IFT46: variants seen among roughly 807,000 people sequenced by gnomAD.
IFT46 encodes the protein intraflagellar transport protein 46 homolog.
IFT46 carries 19 observed loss-of-function variants against 39.6 expected under a neutral mutation model. That is an observed-to-expected ratio of 0.48 (90% CI 0.33 to 0.70). The LOEUF (loss-of-function observed/expected upper bound fraction) is 0.70. Among genes scored for constraint, IFT46 ranks in the 30% least tolerant of loss-of-function variants. The pLI, the probability that IFT46 is intolerant of heterozygous loss-of-function variation, is 0.01. For synonymous variants in IFT46, 117 were observed against 134.8 expected (o/e 0.87, Z 0.91); for missense variants, 334 against 364.8 (o/e 0.92, Z 0.69).
At chr11:118,569,318 C>T (rs1555072048), upstream of IFT46, among the ~76,000 whole-genome samples, 1 of 150,938 alleles carries the variant, frequency 6.6e-6, no homozygotes. Flanking sequence ...ATTGACTGGG[C>T]TCAGTGGCTC....
At chr11:118,557,275 G>A (rs1937873939) in intron 3 of IFT46, 3 of 432,492 alleles carry the variant, frequency 6.9e-6, no homozygotes, top group Non-Finnish European at 8.0e-6. Context: ...TTGAGGCTGG[G>A]GTATAAATTC....
intron 3 of IFT46, among the ~76,000 whole-genome samples, chr11:118,558,925 C>CA (rs1325968362): frequency 2.3e-4 from 33 of 145,158 alleles, no homozygotes; most frequent in African/African-American, 8.6e-4. Flanking sequence ...AAAAAAAAAA[C>CA]AAACAAAAAA....
chr11:118,575,864 A>C (rs1938484218), upstream of IFT46, among the ~76,000 whole-genome samples: 1 of 152,124 alleles, frequency 6.6e-6, no homozygotes, highest in Admixed American at 6.5e-5. Flanking sequence ...ATGGTTAGAC[A>C]ATTTGCCTTC....
In IFT46 at chr11:118,544,885, T is replaced by C. The variant is rs1397199530; in HGVS notation, c.*31A>G. ...TCTCAGCTGGGGCAGAGGGGCCAGC[T>C]CAGCCTTGAAACAGCAGCTTGGGAA... On this transcript the variant is annotated 3_prime_UTR_variant, in exon 12 of 12. Coordinates refer to ENST00000264021, the MANE Select transcript of IFT46 (RefSeq NM_001168618.2). 8.6e-6 allele frequency: 13 copies of C among 1,515,246 alleles called. No individual in the cohort carries two copies. Among genetic ancestry groups the C allele is most frequent in the Non-Finnish European group, 1.2e-5 (13 of 1,091,822 alleles). The allele number at this position is 1,515,246 out of a possible 1,614,324, so 93.9% of individuals were successfully genotyped here. A position where few individuals can be genotyped will look rare whatever the true frequency, so the allele number is the denominator to read the frequency against.
intron 2 of IFT46, among the ~76,000 whole-genome samples, chr11:118,562,851 G>A (rs1225329115): frequency 1.3e-5 from 2 of 152,178 alleles, no homozygotes; most frequent in Non-Finnish European, 2.9e-5. Context: ...GGATCACAAG[G>A]TCAGGAGATC....
At chr11:118,570,507 A>G (rs576798719), upstream of IFT46, among the ~76,000 whole-genome samples, 6 of 152,386 alleles carry the variant, frequency 3.9e-5, no homozygotes, top group South Asian at 1.2e-3. Flanking sequence ...ACACAAATGA[A>G]GCACTCAATT....
At chr11:118,572,613 G>T in exon 1 of IFT46, 1 of 1,576,096 alleles carries the variant, frequency 6.3e-7, no homozygotes, top group East Asian at 2.4e-5. Context: ...CCTTGTCGGC[G>T]GGCCTGGGGC....
intron 2 of IFT46, chr11:118,561,355 C>A (rs1331763242): frequency 1.6e-5 from 14 of 890,846 alleles, no homozygotes; most frequent in Middle Eastern, 3.3e-4. Flanking sequence ...AGAACCAGTT[C>A]TCTCAATGCA....
intron 3 of IFT46, 75 bp downstream of exon 3, chr11:118,559,710 G>A (rs370825705): frequency 9.8e-5 from 111 of 1,135,582 alleles, no homozygotes; most frequent in Admixed American, 5.6e-4. Flanking sequence ...AATGTTTACC[G>A]TTGAACTGGT....
chr11:118,545,277 AT>A, intron 11 of IFT46, 131 bp downstream of exon 11: 1 of 784,924 alleles, frequency 1.3e-6, no homozygotes. Context: ...TCTCCTAATT[AT>A]GGGAAAGGGC....
chr11:118,561,680 C>T (rs518947), intron 2 of IFT46: 1 of 298,060 alleles, frequency 3.4e-6, no homozygotes, highest in South Asian at 5.4e-5. Context: ...ATTCCCACCT[C>T]TAAATGGGGT....
At chr11:118,549,570 G>T (rs1555067953) in intron 9 of IFT46, among the ~76,000 whole-genome samples, 1 of 149,440 alleles carries the variant, frequency 6.7e-6, no homozygotes, top group Non-Finnish European at 1.5e-5. Flanking sequence ...CTGTCACCAG[G>T]CTGGAGTGCA....
chr11:118,554,700 G>T, intron 6 of IFT46, 113 bp from the exon 7 acceptor site: 2 of 1,144,052 alleles, frequency 1.7e-6, no homozygotes, highest in Non-Finnish European at 2.5e-6. Flanking sequence ...TTATCATGCT[G>T]TACGCAATAC....
Position 118,561,131 on chromosome 11 carries a change from G to A in IFT46, c.-35-1267C>T, listed in dbSNP as rs538917493. ...TGCCTTTACCTGCTATTTGGATACA[G>A]GTCTTGCCAGAACTACCACTGGCAA... is the stretch of plus-strand genomic sequence containing the variant. On this transcript the variant is annotated intron_variant, in intron 2 of 11. Coordinates refer to ENST00000264021, the MANE Select transcript of IFT46 (RefSeq NM_001168618.2). 5.4e-6 allele frequency: 8 copies of A among 1,480,444 alleles called. No individual in the cohort carries two copies. The East Asian group carries it at 1.8e-4, about 34-fold the overall frequency. 91.7% of individuals were successfully genotyped at this position (1,480,444 alleles called of 1,614,324 possible). A position where few individuals can be genotyped will look rare whatever the true frequency, so the allele number is the denominator to read the frequency against.
chr11:118,572,445 A>G (rs1555072581), intron 1 of IFT46: 53 of 1,246,064 alleles, frequency 4.3e-5, no homozygotes. Context: ...GGTTCCTGTC[A>G]AGGGGGCAGC....
At chr11:118,549,332 G>A (rs149551510) in intron 9 of IFT46, among the ~76,000 whole-genome samples, 3 of 151,238 alleles carry the variant, frequency 2.0e-5, no homozygotes, top group Admixed American at 6.6e-5. Flanking sequence ...ATGAGCTACC[G>A]TGCCTGGCCC....
chr11:118,551,251 G>A (rs545565290), intron 9 of IFT46, among the ~76,000 whole-genome samples: 2 of 151,866 alleles, frequency 1.3e-5, no homozygotes, highest in East Asian at 3.9e-4. Context: ...GCAGGCACCT[G>A]TAATCCCAGC....
In IFT46 at chr11:118,544,937, C is replaced by T. The variant is rs1036348790; in HGVS notation, c.894G>A (p.Met298Ile). Residue 298 changes from methionine to isoleucine, a missense_variant, in exon 12 of 12, where the codon ATG becomes ATA. Met to Ile is a conservative substitution (Grantham distance 10). Coordinates refer to ENST00000264021, the MANE Select transcript of IFT46 (RefSeq NM_001168618.2). ...TGTCTCAGCTGAAGGTTAATGTCTC[C>T]ATGTCTCCAGCTTGGGAGGTGGAAT... ...SSNSTSQAGD[M>I]ETLTFS 2 of 1,613,284 alleles carry T rather than the reference C, an allele frequency of 1.2e-6. No individual in the cohort carries two copies. The highest frequency in any genetic ancestry group is 1.1e-5 in the South Asian group (1 of 90,944).
intron 7 of IFT46, 97 bp from the exon 8 acceptor site, chr11:118,552,432 T>C (rs868994109): frequency 5.5e-6 from 8 of 1,446,842 alleles, no homozygotes; most frequent in Non-Finnish European, 7.5e-6. Flanking sequence ...ATATTCGAGC[T>C]TGCTGATGAC....
Sources: allele counts gnomAD v4.1 joint callset (sites outside exome capture counted in the v4.1 genomes callset), GRCh38; gene constraint gnomAD v4.1.1; transcripts MANE v1.5; gene names NCBI Gene and HGNC (gene_info 2026-07-23, HGNC 2026-07-21).